ZNF536: variants seen among roughly 807,000 people sequenced by gnomAD.
The protein encoded by ZNF536 is zinc finger protein 536.
ZNF536 carries 13 observed loss-of-function variants against 84.5 expected under a neutral mutation model. The ratio of observed to expected loss-of-function variants is 0.15; its 90% CI spans 0.10 to 0.24. The LOEUF is 0.24. Among genes scored for constraint, ZNF536 ranks in the 10% least tolerant of loss-of-function variants. ZNF536 has a pLI of 1.00. For missense variants in ZNF536, 1,536 were observed against 1,747.5 expected, an observed-to-expected ratio of 0.88 and a Z score of 2.16; for synonymous variants, 811 against 742.5, an observed-to-expected ratio of 1.09 and a Z score of -1.50.
At chr19:30,392,868 A>T (rs1321004855) in intron 1 of ZNF536, among the ~76,000 whole-genome samples, 3 of 152,132 alleles carry the variant, frequency 2.0e-5, no homozygotes, top group African/African-American at 7.2e-5. Flanking sequence ...ACGCTCATTT[A>T]ATTTTTTAAA....
At chr19:30,322,638 A>G (rs897003526) in intron 2 of ZNF536, among the ~76,000 whole-genome samples, 6 of 152,048 alleles carry the variant, frequency 3.9e-5, no homozygotes, top group African/African-American at 1.4e-4. Flanking sequence ...TTCCTATTCC[A>G]TCTCATCAAT....
At chr19:30,713,308 T>G (rs1600367491) in exon 2 of ZNF536, 1 of 152,284 alleles carries the variant, frequency 6.6e-6, no homozygotes, top group East Asian at 1.9e-4. Context: ...CCCTGTAACT[T>G]CTGTAGTCTG....
At chr19:30,622,279 A>G (rs1324671260) in intron 1 of ZNF536, among the ~76,000 whole-genome samples, 1 of 152,262 alleles carries the variant, frequency 6.6e-6, no homozygotes, top group East Asian at 1.9e-4. Context: ...GTGTTTAGCA[A>G]AAGCAAAATC....
intron 1 of ZNF536, among the ~76,000 whole-genome samples, chr19:30,686,450 A>G (rs1600264780): frequency 6.6e-6 from 1 of 152,184 alleles, no homozygotes; most frequent in African/African-American, 2.4e-5. Flanking sequence ...GTGCACACCC[A>G]GGGGCACTGA....
At chr19:30,243,538 G>GAC (rs2024078134) in intron 1 of ZNF536, among the ~76,000 whole-genome samples, 1 of 152,076 alleles carries the variant, frequency 6.6e-6, no homozygotes, top group Non-Finnish European at 1.5e-5. Context: ...CATGAAAACT[G>GAC]ACACGAGATT....
intron 2 of ZNF536, among the ~76,000 whole-genome samples, chr19:30,492,051 T>G (rs529395475): frequency 6.7e-6 from 1 of 149,146 alleles, no homozygotes; most frequent in South Asian, 2.1e-4. Flanking sequence ...ACTGGATATA[T>G]GTACATAGGC....
At chr19:30,309,422 G>T (rs547172658) in intron 2 of ZNF536, among the ~76,000 whole-genome samples, 3 of 152,320 alleles carry the variant, frequency 2.0e-5, no homozygotes, top group East Asian at 3.9e-4. Flanking sequence ...CGTTGCCTCA[G>T]ATAACTGTTT....
At chr19:30,353,914 A>G (rs1463877528) in intron 3 of ZNF536, among the ~76,000 whole-genome samples, 2 of 152,136 alleles carry the variant, frequency 1.3e-5, no homozygotes, top group African/African-American at 4.8e-5. Flanking sequence ...CAGGTAGGGG[A>G]GAAGGGTAAG....
intron 2 of ZNF536, among the ~76,000 whole-genome samples, chr19:30,472,778 C>A (rs1404343841): frequency 5.3e-5 from 8 of 152,158 alleles, no homozygotes; most frequent in African/African-American, 1.9e-4. Context: ...GGCATGTCAG[C>A]TCTATGGGGT....
At chr19:30,400,337 A>G (rs1295594956) in intron 1 of ZNF536, among the ~76,000 whole-genome samples, 2 of 152,148 alleles carry the variant, frequency 1.3e-5, no homozygotes, top group African/African-American at 2.4e-5. Flanking sequence ...ACCATCCTAC[A>G]TTTGTACCAG....
At chr19:30,400,723 G>A (rs1267930385) in intron 1 of ZNF536, among the ~76,000 whole-genome samples, 1 of 152,134 alleles carries the variant, frequency 6.6e-6, no homozygotes, top group Non-Finnish European at 1.5e-5. Flanking sequence ...GAGCTACCAT[G>A]CCTGGCCTGA....
At chr19:30,402,972 C>A (rs2147537775) in intron 1 of ZNF536, among the ~76,000 whole-genome samples, 1 of 151,964 alleles carries the variant, frequency 6.6e-6, no homozygotes, top group South Asian at 2.1e-4. Flanking sequence ...AGACTTCTCC[C>A]TGGAGTCAAG....
At chr19:30,669,823 C>T (rs1346192934) in intron 1 of ZNF536, among the ~76,000 whole-genome samples, 1 of 152,202 alleles carries the variant, frequency 6.6e-6, no homozygotes, top group African/African-American at 2.4e-5. Context: ...TCAGGTTAAC[C>T]GCTTTGTTCA....
At chr19:30,506,725 G>A (rs149804128) in intron 2 of ZNF536, among the ~76,000 whole-genome samples, 1 of 152,124 alleles carries the variant, frequency 6.6e-6, no homozygotes. Context: ...ATTGGGCCTC[G>A]AGTAATCCAC....
intron 1 of ZNF536, among the ~76,000 whole-genome samples, chr19:30,235,771 C>G (rs2023445910): frequency 6.6e-6 from 1 of 152,180 alleles, no homozygotes; most frequent in Admixed American, 6.5e-5. Context: ...TTATATGAAG[C>G]CTATTGAAGG....
chr19:30,296,589 T>C (rs2046003247), intron 2 of ZNF536, among the ~76,000 whole-genome samples: 1 of 152,190 alleles, frequency 6.6e-6, no homozygotes, highest in Non-Finnish European at 1.5e-5. Context: ...CCTGTTTCTG[T>C]GGCTGCCATC....
At chr19:30,272,642 T>G (rs1358926727) in intron 1 of ZNF536, among the ~76,000 whole-genome samples, 1 of 152,226 alleles carries the variant, frequency 6.6e-6, no homozygotes, top group Non-Finnish European at 1.5e-5. Flanking sequence ...TTTCCCAGAA[T>G]GTCCTGTATT....
At chr19:30,400,667 T>A (rs2050010207) in intron 1 of ZNF536, among the ~76,000 whole-genome samples, 1 of 152,124 alleles carries the variant, frequency 6.6e-6, no homozygotes, top group South Asian at 2.1e-4. Context: ...CCTCAAGTGA[T>A]CCTCCCACTT....
intron 1 of ZNF536, among the ~76,000 whole-genome samples, chr19:30,670,210 C>A (rs924922154): frequency 1.3e-5 from 2 of 152,342 alleles, no homozygotes; most frequent in African/African-American, 4.8e-5. Context: ...CCATCCCGCC[C>A]ATCCCTAGGG....
Sources: allele counts gnomAD v4.1 joint callset (sites outside exome capture counted in the v4.1 genomes callset), GRCh38; gene constraint gnomAD v4.1.1; transcripts MANE v1.5; gene names NCBI Gene and HGNC (gene_info 2026-07-23, HGNC 2026-07-21).